The following RGS8 variants were observed in gnomAD, a reference collection of about 807,000 sequenced individuals.
The protein encoded by RGS8 is regulator of G-protein signaling 8.
Under a neutral mutation model 21.7 loss-of-function variants are expected in RGS8, and 8 were observed. The observed-to-expected ratio is 0.37, with a 90% CI of 0.22 to 0.66. The LOEUF (loss-of-function observed/expected upper bound fraction) is 0.66. RGS8 is among the 30% of genes least tolerant of loss of function. The pLI, the probability that RGS8 is intolerant of heterozygous loss-of-function variation, is 0.59. For missense variants in RGS8, 157 were observed against 217.9 expected, an observed-to-expected ratio of 0.72 and a Z score of 1.76; for synonymous variants, 80 against 83.6, an observed-to-expected ratio of 0.96 and a Z score of 0.24.
At chr1:182,646,852 G>A in exon 7 of RGS8, 1 of 1,614,168 alleles carries the variant, frequency 6.2e-7, no homozygotes, top group Non-Finnish European at 8.5e-7. Flanking sequence ...CTTGGTCAAA[G>A]CAAGTCAGGG....
chr1:182,657,720 C>T (rs4652742), intron 5 of RGS8, among the ~76,000 whole-genome samples: 104,787 of 152,114 alleles, frequency 0.69, 36,606 homozygotes, highest in Non-Finnish European at 0.75. Flanking sequence ...AGATGCAGGT[C>T]CTAATAGCAT....
the RGS8 span, among the ~76,000 whole-genome samples, chr1:182,721,014 T>TAC: frequency 0.019 from 1,982 of 104,784 alleles, 67 homozygotes; most frequent in East Asian, 0.043. Flanking sequence ...TATACATATA[T>TAC]ACACATATAT....
the RGS8 span, among the ~76,000 whole-genome samples, chr1:182,717,446 T>C: frequency 6.6e-6 from 1 of 152,206 alleles, no homozygotes; most frequent in Non-Finnish European, 1.5e-5. Flanking sequence ...CCTGAAATTG[T>C]TGAGATAAGA....
chr1:182,690,774 C>G, the RGS8 span, among the ~76,000 whole-genome samples: 1 of 152,210 alleles, frequency 6.6e-6, no homozygotes, highest in East Asian at 1.9e-4. Context: ...GTTCACAGCT[C>G]TCTCTATCCA....
At chr1:182,700,460 T>C in the RGS8 span, among the ~76,000 whole-genome samples, 2 of 152,164 alleles carry the variant, frequency 1.3e-5, no homozygotes. Context: ...ATGAGCATTG[T>C]TCTTCCTGGT....
At chr1:182,696,931 C>T in the RGS8 span, among the ~76,000 whole-genome samples, 1 of 152,332 alleles carries the variant, frequency 6.6e-6, no homozygotes, top group East Asian at 1.9e-4. Flanking sequence ...GGGCTGTCTG[C>T]TGGCTAGGGT....
the RGS8 span, among the ~76,000 whole-genome samples, chr1:182,739,423 G>A: frequency 1.4e-4 from 21 of 152,290 alleles, no homozygotes; most frequent in South Asian, 4.1e-4. Flanking sequence ...ACTGACGTGG[G>A]GGAACTGATG....
the RGS8 span, among the ~76,000 whole-genome samples, chr1:182,741,639 C>A: frequency 3.2e-5 from 4 of 126,012 alleles, no homozygotes; most frequent in Non-Finnish European, 5.3e-5. Flanking sequence ...ACCCCCCCAC[C>A]TCCCTCCCGG....
chr1:182,686,749 G>A (rs1264296729), upstream of RGS8, among the ~76,000 whole-genome samples: 1 of 152,188 alleles, frequency 6.6e-6, no homozygotes, highest in Non-Finnish European at 1.5e-5. Context: ...GGATTTGGGA[G>A]CTCTCCACCT....
chr1:182,751,515 T>C, the RGS8 span, among the ~76,000 whole-genome samples: 1 of 152,150 alleles, frequency 6.6e-6, no homozygotes, highest in Non-Finnish European at 1.5e-5. Flanking sequence ...GAGGAGTGTG[T>C]GATTAAAAAG....
chr1:182,742,910 A>C, the RGS8 span, among the ~76,000 whole-genome samples: 1 of 152,244 alleles, frequency 6.6e-6, no homozygotes, highest in Non-Finnish European at 1.5e-5. Flanking sequence ...CAGGGGACAC[A>C]ATTAATTACA....
At chr1:182,700,748 A>G in the RGS8 span, among the ~76,000 whole-genome samples, 2 of 152,256 alleles carry the variant, frequency 1.3e-5, no homozygotes, top group Admixed American at 6.5e-5. Context: ...ATGAAATTTC[A>G]TATTTCAAAG....
downstream of RGS8, chr1:182,644,830 G>A (rs957227513): frequency 2.0e-5 from 3 of 152,052 alleles, no homozygotes; most frequent in South Asian, 2.1e-4. Context: ...TTTTAACCAC[G>A]GTTGGGAGGA....
At chr1:182,715,244 AC>A in the RGS8 span, among the ~76,000 whole-genome samples, 1 of 152,206 alleles carries the variant, frequency 6.6e-6, no homozygotes, top group Non-Finnish European at 1.5e-5. Context: ...CTAACTTTAT[AC>A]CCTGTCTTTC....
At chr1:182,696,935 C>G in the RGS8 span, among the ~76,000 whole-genome samples, 1 of 152,166 alleles carries the variant, frequency 6.6e-6, no homozygotes, top group Admixed American at 6.5e-5. Context: ...TGTCTGCTGG[C>G]TAGGGTGCTA....
At chr1:182,741,475 C>T in the RGS8 span, among the ~76,000 whole-genome samples, 7 of 137,112 alleles carry the variant, frequency 5.1e-5, no homozygotes, top group Non-Finnish European at 8.0e-5. Flanking sequence ...ACTTCCGGGA[C>T]CGGGCGGCTG....
At chr1:182,691,607 T>TAAAA in the RGS8 span, among the ~76,000 whole-genome samples, 1 of 27,278 alleles carries the variant, frequency 3.7e-5, no homozygotes, top group African/African-American at 1.4e-4. Context: ...CCCTTCATGT[T>TAAAA]AAAAAAAAAA....
At position 182,648,123 on chromosome 1, in the gene RGS8, C is replaced by T. The variant is rs772493430; in HGVS notation, c.360+14G>A. ...AGCCATGGATAGACAGGATGGTCGCCGCTGCCAACACACCTCCCGTGGAGC... is the reference window on the plus strand; with the variant it reads ...AGCCATGGATAGACAGGATGGTCGCTGCTGCCAACACACCTCCCGTGGAGC... On this transcript the variant is annotated intron_variant, in intron 6 of 6. Transcript: ENST00000483095. 1.4e-5 allele frequency: 22 copies of T among 1,586,668 alleles called. No individual in the cohort carries two copies. The highest frequency in any genetic ancestry group is 4.0e-5 in the African/African-American group (3 of 74,266).
the RGS8 span, among the ~76,000 whole-genome samples, chr1:182,739,587 A>T: frequency 6.6e-6 from 1 of 152,298 alleles, no homozygotes; most frequent in East Asian, 1.9e-4. Flanking sequence ...TTGGCTTTGT[A>T]TTTGAGGACT....
Sources: allele counts gnomAD v4.1 joint callset (sites outside exome capture counted in the v4.1 genomes callset), GRCh38; gene constraint gnomAD v4.1.1; transcripts MANE v1.5; gene names NCBI Gene and HGNC (gene_info 2026-07-23, HGNC 2026-07-21).